Variants in ROBO1 observed in about 807,000 individuals in gnomAD.
ROBO1 encodes roundabout homolog 1.
A neutral mutation model predicts 195.9 loss-of-function variants in ROBO1; 149 were observed. The observed-to-expected ratio is 0.76, with a 90% CI of 0.67 to 0.87. The LOEUF is 0.87. Ranked by LOEUF, ROBO1 falls within the 40% of genes least tolerant of loss-of-function variation. The pLI is 0.00. For synonymous variants in ROBO1, 816 were observed against 733.2 expected (o/e 1.11, Z -1.82); for missense variants, 1,933 against 2,068.3 (o/e 0.93, Z 1.27).
At chr3:79,342,013 G>A (rs1252392389) in intron 2 of ROBO1, among the ~76,000 whole-genome samples, 1 of 152,088 alleles carries the variant, frequency 6.6e-6, no homozygotes, top group Non-Finnish European at 1.5e-5. Context: ...TGAAAGAGAG[G>A]GGCTTTCCAA....
At chr3:79,755,102 G>A (rs1442346166) in intron 1 of ROBO1, among the ~76,000 whole-genome samples, 2 of 151,942 alleles carry the variant, frequency 1.3e-5, no homozygotes, top group Admixed American at 1.3e-4. Context: ...CTATTCTTGA[G>A]CTCATGATCT....
At chr3:78,756,169 T>C (rs2108335390) in intron 4 of ROBO1, among the ~76,000 whole-genome samples, 1 of 152,222 alleles carries the variant, frequency 6.6e-6, no homozygotes, top group South Asian at 2.1e-4. Flanking sequence ...TGATATACTG[T>C]GATGGTAACA....
chr3:79,018,969 C>A, intron 3 of ROBO1: 1 of 989,490 alleles, frequency 1.0e-6, no homozygotes, highest in Non-Finnish European at 1.2e-6. Context: ...GCGATAGCAG[C>A]CAAAGTAGAA....
intron 2 of ROBO1, among the ~76,000 whole-genome samples, chr3:79,543,019 A>C (rs1270887898): frequency 6.6e-6 from 1 of 152,074 alleles, no homozygotes; most frequent in East Asian, 1.9e-4. Flanking sequence ...ATGGGATTTC[A>C]AAGTTTTTAA....
chr3:79,492,191 G>T (rs1282770503), intron 2 of ROBO1, among the ~76,000 whole-genome samples: 1 of 152,042 alleles, frequency 6.6e-6, no homozygotes, highest in Admixed American at 6.5e-5. Context: ...TTGGGAGGCC[G>T]AGGCAGGCGG....
At chr3:79,740,129 A>G (rs1040734811) in intron 1 of ROBO1, among the ~76,000 whole-genome samples, 2 of 149,666 alleles carry the variant, frequency 1.3e-5, no homozygotes, top group Admixed American at 6.7e-5. Flanking sequence ...ACTTCAAGAG[A>G]TCCTACTAAA....
At chr3:79,632,455 A>G (rs575707716) in intron 1 of ROBO1, among the ~76,000 whole-genome samples, 43 of 152,278 alleles carry the variant, frequency 2.8e-4, no homozygotes, top group African/African-American at 1.0e-3. Flanking sequence ...GAAAAATAAC[A>G]GACACTGAGG....
intron 2 of ROBO1, among the ~76,000 whole-genome samples, chr3:79,440,965 A>G (rs1213123223): frequency 6.6e-6 from 1 of 152,104 alleles, no homozygotes; most frequent in Non-Finnish European, 1.5e-5. Flanking sequence ...GCACTTTGAA[A>G]CCATAAATAA....
rs145072160 is a variant in ROBO1 at position 79,241,892 on chromosome 3, C to T, written c.89-116353G>A. On this transcript the variant is annotated intron_variant, in intron 2 of 30. Coordinates refer to ENST00000464233, the MANE Select transcript of ROBO1 (RefSeq NM_002941.4). Reference sequence around the variant, plus strand: ...TACTCTTATAGCAGGCACTACTAGCCGTCTTAATATTTGATTCATCTTTTG... The same window carrying T: ...TACTCTTATAGCAGGCACTACTAGCTGTCTTAATATTTGATTCATCTTTTG... 5.8e-3 allele frequency among the ~76,000 whole-genome samples: 874 copies of T among 151,086 alleles called. 3 individuals are homozygous for T. Among genetic ancestry groups the T allele is most frequent in the Middle Eastern group, 0.021 (6 of 284 alleles).
At chr3:78,866,010 T>C (rs2035153391) in intron 4 of ROBO1, among the ~76,000 whole-genome samples, 1 of 152,194 alleles carries the variant, frequency 6.6e-6, no homozygotes, top group Middle Eastern at 3.2e-3. Flanking sequence ...ATGTAACAGA[T>C]GGATTCAGCC....
chr3:79,373,880 G>A lies in ROBO1; in HGVS notation c.88+215944C>T, dbSNP rs148970219. ...TTAAAACATCCCTTGGGGACCTTTA[G>A]ATCTATAAAGCAATCAGCTGATTAC... is the stretch of plus-strand genomic sequence containing the variant. On this transcript the variant is annotated intron_variant, in intron 2 of 30. Transcript: ENST00000464233. 4.1e-3 allele frequency among the ~76,000 whole-genome samples: 630 copies of A among 152,234 alleles called. 11 individuals are homozygous for A. The highest frequency in any genetic ancestry group is 0.014 in the African/African-American group (596 of 41,562).
intron 4 of ROBO1, among the ~76,000 whole-genome samples, chr3:78,825,865 A>G (rs886678667): frequency 6.6e-6 from 1 of 152,180 alleles, no homozygotes; most frequent in African/African-American, 2.4e-5. Context: ...AAGGATTTTC[A>G]TTAAATAAAA....
intron 3 of ROBO1, among the ~76,000 whole-genome samples, chr3:79,013,078 A>G (rs1211640422): frequency 6.6e-6 from 1 of 152,010 alleles, no homozygotes; most frequent in African/African-American, 2.4e-5. Context: ...GAAGTGAGTT[A>G]TCTGTGAACA....
intron 2 of ROBO1, among the ~76,000 whole-genome samples, chr3:79,370,652 A>G (rs886712086): frequency 4.6e-5 from 7 of 151,042 alleles, no homozygotes; most frequent in African/African-American, 1.7e-4. Context: ...TATATATAAA[A>G]ATGTTATCTA....
chr3:79,242,944 T>G (rs1404348428), intron 2 of ROBO1, among the ~76,000 whole-genome samples: 1 of 151,556 alleles, frequency 6.6e-6, no homozygotes, highest in Non-Finnish European at 1.5e-5. Flanking sequence ...AACTCATCAT[T>G]TAACATTAGG....
intron 4 of ROBO1, among the ~76,000 whole-genome samples, chr3:78,937,031 A>AT (rs2039850104): frequency 6.6e-6 from 1 of 152,112 alleles, no homozygotes; most frequent in African/African-American, 2.4e-5. Flanking sequence ...TCAAAGAAAT[A>AT]TTTTAAAAAT....
intron 4 of ROBO1, among the ~76,000 whole-genome samples, chr3:78,926,728 T>C (rs2039243099): frequency 6.6e-6 from 1 of 152,140 alleles, no homozygotes; most frequent in African/African-American, 2.4e-5. Flanking sequence ...GGGTGTGGTC[T>C]TCAGGGTAAG....
At chr3:78,925,576 T>A (rs2039165732) in intron 4 of ROBO1, among the ~76,000 whole-genome samples, 1 of 152,226 alleles carries the variant, frequency 6.6e-6, no homozygotes, top group African/African-American at 2.4e-5. Context: ...AACACCTTTT[T>A]TCATTGATGT....
chr3:79,015,389 C>CAA (rs370809883), intron 3 of ROBO1, among the ~76,000 whole-genome samples: 7 of 148,814 alleles, frequency 4.7e-5, no homozygotes, highest in African/African-American at 1.7e-4. Flanking sequence ...CGCCCCCCCC[C>CAA]AAAAAAACAA....
Sources: gnomAD v4.1 joint callset for allele counts (sites outside exome capture counted in the v4.1 genomes callset) on GRCh38, gnomAD v4.1.1 for gene constraint, MANE v1.5 for transcripts, NCBI Gene and HGNC (gene_info 2026-07-23, HGNC 2026-07-21) for gene names.